Variants in CFAP54 observed in about 807,000 individuals in gnomAD.
CFAP54 encodes cilia- and flagella-associated protein 54.
CFAP54 carries 290 observed loss-of-function variants against 370.4 expected under a neutral mutation model. The observed-to-expected ratio is 0.78, with a 90% CI of 0.71 to 0.86. The LOEUF (loss-of-function observed/expected upper bound fraction) is 0.86, where lower values mean the gene tolerates loss of function less well. Among genes scored for constraint, CFAP54 ranks in the 40% least tolerant of loss-of-function variants. The pLI is 0.00. For synonymous variants in CFAP54, 1,206 were observed against 1,236.5 expected (o/e 0.98, Z 0.52); for missense variants, 3,399 against 3,528.7 (o/e 0.96, Z 0.93).
At chr12:96,666,295 T>C (rs982729376) in intron 39 of CFAP54, among the ~76,000 whole-genome samples, 6 of 152,218 alleles carry the variant, frequency 3.9e-5, no homozygotes, top group African/African-American at 1.4e-4. Context: ...ATATAGATTA[T>C]TCTATTAGTT....
At chr12:96,771,951 A>G (rs1958467105) in intron 60 of CFAP54, among the ~76,000 whole-genome samples, 1 of 152,222 alleles carries the variant, frequency 6.6e-6, no homozygotes, top group Non-Finnish European at 1.5e-5. Flanking sequence ...AGAGAAAATA[A>G]TTGTAAGTAT....
At chr12:96,496,564 T>TC (rs1355725359) in intron 1 of CFAP54, among the ~76,000 whole-genome samples, 2 of 152,182 alleles carry the variant, frequency 1.3e-5, no homozygotes, top group African/African-American at 4.8e-5. Flanking sequence ...TGGAGTCTCT[T>TC]CTTGTAGGGA....
intron 48 of CFAP54, among the ~76,000 whole-genome samples, chr12:96,716,800 G>A (rs542448348): frequency 1.3e-5 from 2 of 152,316 alleles, no homozygotes; most frequent in East Asian, 1.9e-4. Context: ...GGATAAGACC[G>A]AATTTAACTG....
At chr12:96,676,903 A>G (rs1213196019) in intron 39 of CFAP54, among the ~76,000 whole-genome samples, 1 of 152,196 alleles carries the variant, frequency 6.6e-6, no homozygotes, top group East Asian at 1.9e-4. Flanking sequence ...ATGAGAAGGT[A>G]ACCGTCTGCG....
intron 45 of CFAP54, among the ~76,000 whole-genome samples, chr12:96,695,045 C>CA (rs1406003116): frequency 1.3e-5 from 2 of 151,690 alleles, no homozygotes; most frequent in African/African-American, 4.8e-5. Flanking sequence ...CAAAAAAAAA[C>CA]AAAAAAACAC....
Position 96,636,860 on chromosome 12 carries a change from A to AAAAC in CFAP54, c.4316+6229_4316+6232dup, listed in dbSNP as rs113335610. 3.0e-3 allele frequency among the ~76,000 whole-genome samples: 464 copies of AAAAC among 152,276 alleles called. 5 individuals are homozygous for AAAAC. Among genetic ancestry groups the AAAAC allele is most frequent in the African/African-American group, 9.3e-3 (386 of 41,568 alleles). ...TCCCAGCTACTCAGGAGTCCGAGGAAAAACAAACAAACAAACAAACAAAAA... is the reference window on the plus strand; with the variant it reads ...TCCCAGCTACTCAGGAGTCCGAGGAAAAACAAACAAACAAACAAACAAACAAAAA... On this transcript the variant is annotated intron_variant, in intron 32 of 67. Transcript: ENST00000524981.
At chr12:96,601,850 C>T (rs566184297) in intron 26 of CFAP54, among the ~76,000 whole-genome samples, 2 of 152,026 alleles carry the variant, frequency 1.3e-5, no homozygotes, top group East Asian at 3.9e-4. Flanking sequence ...TCTCTCTTTT[C>T]TTCTTTATTA....
intron 66 of CFAP54, 36 bp downstream of exon 66, chr12:96,829,124 C>A: frequency 8.5e-7 from 1 of 1,177,312 alleles, no homozygotes; most frequent in Middle Eastern, 1.9e-4. Flanking sequence ...ATCTAATTCA[C>A]TCACAAGTAT....
At chr12:96,695,482 A>T (rs1320840613) in intron 45 of CFAP54, among the ~76,000 whole-genome samples, 1 of 152,170 alleles carries the variant, frequency 6.6e-6, no homozygotes, top group African/African-American at 2.4e-5. Context: ...AAATTTCTGA[A>T]TCACCCTCTC....
chr12:96,809,138 A>G (rs1958908025), intron 63 of CFAP54, among the ~76,000 whole-genome samples: 1 of 152,122 alleles, frequency 6.6e-6, no homozygotes, highest in African/African-American at 2.4e-5. Flanking sequence ...TCCCGTATGT[A>G]CTGAAATTCC....
chr12:96,564,731 A>G lies in CFAP54; in HGVS notation c.2585A>G (p.Asp862Gly). ...AAAGCTCTTTTAATATTCGAGAAAG[A>G]TGCAACTTCTACATCTTCATGGGAA... ...MQKALLIFEK[D>G]ATSTSSWELL... is the part of the protein sequence containing the mutation. The change falls in exon 19 of 68, where the codon GAT becomes GGT. Residue 862 changes from aspartate to glycine, a missense_variant. Physicochemically the swap from Asp to Gly is moderately conservative, Grantham distance 94. Transcript: ENST00000524981. 1.6e-6 allele frequency: 1 copy of G among 629,880 alleles called. No individual in the cohort carries two copies. The highest frequency in any genetic ancestry group is 2.8e-6 in the Non-Finnish European group (1 of 358,274). The allele number at this position is 629,880 out of a possible 1,614,324, so 39.0% of individuals were successfully genotyped here.
Position 96,838,679 on chromosome 12 carries a change from C to T in CFAP54, c.9171+9591C>T, listed in dbSNP as rs551454148. On this transcript the variant is annotated intron_variant, in intron 66 of 67. Transcript: ENST00000524981. ...CTATCACCTCCCACTAGATTCCTCC[C>T]TCAATGCCTAGGGATTATGATTCAA... 1.3e-4 allele frequency among the ~76,000 whole-genome samples: 20 copies of T among 152,260 alleles called. 1 individual carries two copies. The highest frequency in any genetic ancestry group is 8.5e-4 in the Admixed American group (13 of 15,294).
intron 51 of CFAP54, 82 bp downstream of exon 51, chr12:96,740,143 G>A (rs1958034871): frequency 2.5e-6 from 2 of 813,636 alleles, no homozygotes; most frequent in African/African-American, 3.5e-5. Context: ...TAATTATTTA[G>A]ATGAAGCAAA....
At chr12:96,807,851 T>C (rs374678186) in intron 63 of CFAP54, among the ~76,000 whole-genome samples, 2 of 152,174 alleles carry the variant, frequency 1.3e-5, no homozygotes, top group South Asian at 4.1e-4. Flanking sequence ...TAGAGAATTA[T>C]TATTGCTCTA....
intron 5 of CFAP54, among the ~76,000 whole-genome samples, chr12:96,517,791 C>T (rs1189726840): frequency 6.6e-6 from 1 of 152,172 alleles, no homozygotes; most frequent in African/African-American, 2.4e-5. Context: ...GGGGTAAAGC[C>T]ACAGAAGGCC....
At chr12:96,516,616 G>T (rs775307187) in intron 5 of CFAP54, among the ~76,000 whole-genome samples, 2 of 152,148 alleles carry the variant, frequency 1.3e-5, no homozygotes, top group African/African-American at 4.8e-5. Context: ...TTTTGCTTTT[G>T]TTTATGGAAT....
chr12:96,803,775 A>G (rs1175486358), intron 63 of CFAP54, among the ~76,000 whole-genome samples: 3 of 152,216 alleles, frequency 2.0e-5, no homozygotes, highest in African/African-American at 7.2e-5. Context: ...TAAAATTGGA[A>G]CAAGTAACTG....
chr12:96,583,189 G>C (rs1284425760), intron 22 of CFAP54, among the ~76,000 whole-genome samples: 1 of 152,098 alleles, frequency 6.6e-6, no homozygotes, highest in Non-Finnish European at 1.5e-5. Context: ...TATTAGTTTA[G>C]TGTATCTGGA....
In CFAP54 at chr12:96,658,203, C is replaced by A. The variant is rs529058733; in HGVS notation, c.5325-8C>A. 6.8e-6 allele frequency: 11 copies of A among 1,609,776 alleles called. No homozygotes were observed. The African/African-American group carries it at 1.1e-4, about 16-fold the overall frequency. On this transcript the variant is annotated splice_polypyrimidine_tract_variant and splice_region_variant and intron_variant, in intron 37 of 67. Transcript: ENST00000524981. Reference sequence around the variant, plus strand: ...TTTCTTTTTAATGTATTCTTTACCCCTGTCTAGTGAGAGGTATACAGAACA... The same window carrying A: ...TTTCTTTTTAATGTATTCTTTACCCATGTCTAGTGAGAGGTATACAGAACA...
Sources: gnomAD v4.1 joint callset for allele counts (sites outside exome capture counted in the v4.1 genomes callset) on GRCh38, gnomAD v4.1.1 for gene constraint, MANE v1.5 for transcripts, NCBI Gene and HGNC (gene_info 2026-07-23, HGNC 2026-07-21) for gene names.